THSD7A: variants seen among roughly 807,000 people sequenced by gnomAD.
The protein encoded by THSD7A is thrombospondin type 1 domain containing 7A, also known as thrombospondin type-1 domain-containing protein 7A.
A neutral mutation model predicts 231.3 loss-of-function variants in THSD7A; 96 were observed. The observed-to-expected ratio is 0.41, with a 90% CI of 0.35 to 0.49. The LOEUF is 0.49. Among genes scored for constraint, THSD7A ranks in the 20% least tolerant of loss-of-function variants. THSD7A has a pLI of 0.05. For missense variants in THSD7A, 2,290 were observed against 2,070.2 expected, an observed-to-expected ratio of 1.11 and a Z score of -2.06; for synonymous variants, 940 against 743.3, an observed-to-expected ratio of 1.26 and a Z score of -4.30.
chr7:11,804,614 T>C (rs1318966141), intron 1 of THSD7A, among the ~76,000 whole-genome samples: 1 of 152,208 alleles, frequency 6.6e-6, no homozygotes, highest in Non-Finnish European at 1.5e-5. Context: ...CCAACCTGTT[T>C]ATGGCTGATA....
At chr7:11,644,010 C>G (rs538091337) in intron 1 of THSD7A, among the ~76,000 whole-genome samples, 1 of 150,856 alleles carries the variant, frequency 6.6e-6, no homozygotes, top group African/African-American at 2.4e-5. Flanking sequence ...TTGGAGAAAT[C>G]CTGTGTGCTT....
chr7:11,457,556 G>A (rs1406070356), intron 11 of THSD7A, among the ~76,000 whole-genome samples: 1 of 151,934 alleles, frequency 6.6e-6, no homozygotes, highest in Non-Finnish European at 1.5e-5. Context: ...TGGCATTCAG[G>A]CCCATGTGTC....
At chr7:11,616,800 A>G (rs1482818072) in intron 2 of THSD7A, among the ~76,000 whole-genome samples, 3 of 152,156 alleles carry the variant, frequency 2.0e-5, no homozygotes, top group Non-Finnish European at 4.4e-5. Context: ...TTTTCCCCTT[A>G]TTCTACTCAG....
At chr7:11,545,795 A>G (rs1437327662) in intron 4 of THSD7A, among the ~76,000 whole-genome samples, 2 of 152,222 alleles carry the variant, frequency 1.3e-5, no homozygotes, top group Non-Finnish European at 2.9e-5. Context: ...TGCAGAATCC[A>G]GAGCGTTTGG....
At chr7:11,407,153 C>A (rs778837474) in intron 20 of THSD7A, 98 bp from the exon 21 acceptor site, 4 of 1,504,860 alleles carry the variant, frequency 2.7e-6, no homozygotes, top group Non-Finnish European at 3.6e-6. Flanking sequence ...TCTCCTGAGG[C>A]AATCCAGGAA....
chr7:11,378,806 T>G (rs1782384542), intron 26 of THSD7A: 1 of 400,704 alleles, frequency 2.5e-6, no homozygotes, highest in Admixed American at 4.0e-5. Context: ...ATACTTGTAA[T>G]TTTTGGACTG....
intron 1 of THSD7A, among the ~76,000 whole-genome samples, chr7:11,662,026 T>C (rs1038368262): frequency 6.6e-6 from 1 of 150,730 alleles, no homozygotes; most frequent in Non-Finnish European, 1.5e-5. Flanking sequence ...TAGTGGCTAA[T>C]AAAAATAATC....
At chr7:11,384,969 A>G (rs1782671859) in intron 23 of THSD7A, 1 of 151,916 alleles carries the variant, frequency 6.6e-6, no homozygotes, top group African/African-American at 2.4e-5. Flanking sequence ...CATTTTCACC[A>G]ACGTTTTAGT....
At position 11,412,702 on chromosome 7, in the gene THSD7A, G is replaced by A. The variant is rs750630844; in HGVS notation, c.3636C>T (p.Pro1212=). Residue 1212 remains proline, a synonymous_variant, in exon 18 of 28, where the codon CCC becomes CCT. Transcript: ENST00000423059. ...RSCPNAVEKE[P]CNLNKNCYHY... ...GGTAGCAGTTTTTGTTCAGGTTACAGGGTTCTTTCTCAACAGCATTAGGGC... is the reference window on the plus strand; with the variant it reads ...GGTAGCAGTTTTTGTTCAGGTTACAAGGTTCTTTCTCAACAGCATTAGGGC... 5.6e-6 allele frequency: 9 copies of A among 1,613,800 alleles called. No homozygotes were observed. Among genetic ancestry groups the A allele is most frequent in the Admixed American group, 1.7e-5 (1 of 59,986 alleles).
chr7:11,739,904 G>A (rs999495261), intron 1 of THSD7A, among the ~76,000 whole-genome samples: 18 of 151,958 alleles, frequency 1.2e-4, no homozygotes, highest in Non-Finnish European at 2.5e-4. Flanking sequence ...CAGAGAAGGT[G>A]GAAGAGCTAA....
intron 4 of THSD7A, among the ~76,000 whole-genome samples, chr7:11,549,185 CA>C (rs1477422273): frequency 6.6e-6 from 1 of 152,130 alleles, no homozygotes; most frequent in Non-Finnish European, 1.5e-5. Context: ...ATTAAAACCA[CA>C]ATGAGATATC....
rs546538962 is a variant in THSD7A, at chr7:11,443,430, CTT to C, written c.3064+2629_3064+2630del. On this transcript the variant is annotated intron_variant, in intron 13 of 27. Coordinates refer to ENST00000423059, the MANE Select transcript of THSD7A (RefSeq NM_015204.3). ...ATAGAGAATAAAATATTCAATTACT[CTT>C]TGAGATGTTTCTCAAAGTACATGGA... Among the ~76,000 whole-genome samples, 238 of 152,052 alleles carry C rather than the reference CTT, an allele frequency of 1.6e-3. 1 individual carries two copies. The highest frequency in any genetic ancestry group is 3.4e-3 in the Middle Eastern group (1 of 294).
chr7:11,447,845 T>G (rs1785022935), intron 11 of THSD7A, among the ~76,000 whole-genome samples: 1 of 152,148 alleles, frequency 6.6e-6, no homozygotes, highest in Non-Finnish European at 1.5e-5. Context: ...TATCTAATAT[T>G]GTTTTATATC....
chr7:11,516,936 C>G (rs1334660673), intron 6 of THSD7A, among the ~76,000 whole-genome samples: 1 of 151,954 alleles, frequency 6.6e-6, no homozygotes, highest in Non-Finnish European at 1.5e-5. Flanking sequence ...GTAGACAGAG[C>G]CTTTACATGA....
At chr7:11,735,180 T>C (rs1174865103) in intron 1 of THSD7A, among the ~76,000 whole-genome samples, 1 of 151,954 alleles carries the variant, frequency 6.6e-6, no homozygotes, top group Non-Finnish European at 1.5e-5. Context: ...TCTTCTATAG[T>C]CACAACACTT....
At position 11,590,503 on chromosome 7, in the gene THSD7A, G is replaced by T. The variant is rs200377056; in HGVS notation, c.1410C>A (p.Asn470Lys). 6.2e-7 allele frequency: 1 copy of T among 1,612,830 alleles called. No homozygotes were observed. ...QTREVYCVQA[N>K]ENLLSQLSTH... is the part of the protein sequence containing the mutation. Reference sequence around the variant, plus strand: ...TACTTAATTGTGAGAGGAGGTTTTCGTTGGCCTGCACGCAGTACACCTCTC... The same window carrying T: ...TACTTAATTGTGAGAGGAGGTTTTCTTTGGCCTGCACGCAGTACACCTCTC... Residue 470 changes from asparagine to lysine, a missense_variant, in exon 4 of 28, where the codon AAC becomes AAA. By Grantham distance (94) the Asn-to-Lys change is moderately conservative. Coordinates refer to ENST00000423059, the MANE Select transcript of THSD7A (RefSeq NM_015204.3). This position sits in a 1 kb window ranked among gnomAD's most constrained non-coding sequence, Gnocchi z 4.4.
intron 23 of THSD7A, among the ~76,000 whole-genome samples, chr7:11,382,822 T>C (rs1489733001): frequency 6.6e-6 from 1 of 151,956 alleles, no homozygotes; most frequent in East Asian, 1.9e-4. Context: ...ATGTCTGCTG[T>C]CACACTACCT....
chr7:11,396,075 G>T (rs1783175152), intron 23 of THSD7A, among the ~76,000 whole-genome samples: 3 of 151,962 alleles, frequency 2.0e-5, no homozygotes, highest in Admixed American at 1.3e-4. Context: ...GCAGAAATAA[G>T]TAAGTAAGTT....
At chr7:11,715,118 C>A (rs1781093593) in intron 1 of THSD7A, among the ~76,000 whole-genome samples, 1 of 151,334 alleles carries the variant, frequency 6.6e-6, no homozygotes, top group African/African-American at 2.4e-5. Context: ...AACAAACAAA[C>A]AGAAAGAATA....
Sources: gnomAD v4.1 joint callset for allele counts (sites outside exome capture counted in the v4.1 genomes callset) on GRCh38, gnomAD v4.1.1 for gene constraint, Gnocchi (gnomAD v3.1) non-coding constraint, MANE v1.5 for transcripts, NCBI Gene and HGNC (gene_info 2026-07-23, HGNC 2026-07-21) for gene names.